The following BMP8B variants were observed in gnomAD, a reference collection of about 807,000 sequenced individuals.
BMP8B encodes bone morphogenetic protein 8 (osteogenic protein 2).
In BMP8B, 17 loss-of-function variants were observed where a neutral mutation model predicts 30.3. The ratio of observed to expected loss-of-function variants is 0.56; its 90% CI spans 0.38 to 0.84. The LOEUF is 0.84. Ranked by LOEUF, BMP8B falls within the 40% of genes least tolerant of loss-of-function variation. The pLI is 0.00. For missense variants in BMP8B, 253 were observed against 494.6 expected, an observed-to-expected ratio of 0.51 and a Z score of 4.63; for synonymous variants, 131 against 214.7, an observed-to-expected ratio of 0.61 and a Z score of 3.41.
intron 3 of BMP8B, chr1:39,770,471 G>A: frequency 1.2e-6 from 2 of 1,610,158 alleles, no homozygotes; most frequent in Non-Finnish European, 1.7e-6. Context: ...ATAAATGTTA[G>A]GAACGTGGAT....
At chr1:39,775,795 A>G (rs1057085780) in intron 1 of BMP8B, among the ~76,000 whole-genome samples, 3 of 152,200 alleles carry the variant, frequency 2.0e-5, no homozygotes, top group Admixed American at 1.3e-4. Flanking sequence ...AAACCAGGGC[A>G]GGAGTGACAA....
intron 1 of BMP8B, among the ~76,000 whole-genome samples, chr1:39,778,084 A>G (rs887407784): frequency 3.3e-5 from 5 of 152,168 alleles, no homozygotes; most frequent in Admixed American, 6.5e-5. Context: ...TCGCACGTCA[A>G]CTCATCGGCC....
chr1:39,783,466 C>T (rs535556945), intron 1 of BMP8B, among the ~76,000 whole-genome samples: 5 of 152,230 alleles, frequency 3.3e-5, no homozygotes, highest in African/African-American at 9.6e-5. Flanking sequence ...GAAAAGGGAC[C>T]CACCTTCAAT....
chr1:39,777,186 T>C (rs1327054063), intron 1 of BMP8B, among the ~76,000 whole-genome samples: 2 of 152,206 alleles, frequency 1.3e-5, no homozygotes, highest in Non-Finnish European at 2.9e-5. Context: ...TGAAAAGACA[T>C]ATGCAGAGAG....
At chr1:39,762,919 A>G (rs144812611) in intron 6 of BMP8B, among the ~76,000 whole-genome samples, 173 bp downstream of exon 6, 1 of 152,202 alleles carries the variant, frequency 6.6e-6, no homozygotes, top group African/African-American at 2.4e-5. Flanking sequence ...GTGGCTGTAT[A>G]AGGACCAGTT....
chr1:39,779,725 C>T (rs746046124), intron 1 of BMP8B, among the ~76,000 whole-genome samples: 4 of 152,228 alleles, frequency 2.6e-5, no homozygotes, highest in African/African-American at 9.6e-5. Flanking sequence ...TTTTTAAGCA[C>T]TGACCTGTGT....
At chr1:39,762,963 G>A (rs1649209480) in intron 6 of BMP8B, 129 bp downstream of exon 6, 10 of 1,184,462 alleles carry the variant, frequency 8.4e-6, no homozygotes, top group Middle Eastern at 2.0e-4. Context: ...CGACGTTACT[G>A]ACTGTGCAGA....
chr1:39,779,626 A>ACCC (rs1270264607), intron 1 of BMP8B, among the ~76,000 whole-genome samples: 32 of 152,220 alleles, frequency 2.1e-4, no homozygotes, highest in African/African-American at 7.7e-4. Context: ...TTGAAAACAT[A>ACCC]TTCAAGAGGG....
chr1:39,784,102 G>A (rs999069266), intron 1 of BMP8B, among the ~76,000 whole-genome samples: 11 of 152,146 alleles, frequency 7.2e-5, no homozygotes, highest in Non-Finnish European at 1.5e-4. Flanking sequence ...TGTGGCCTTA[G>A]GAAAACCACC....
intron 6 of BMP8B, chr1:39,762,538 T>A (rs1649133773): frequency 6.5e-7 from 1 of 1,550,124 alleles, no homozygotes; most frequent in Non-Finnish European, 8.7e-7. Flanking sequence ...TACCAAGGCA[T>A]CAAAAGCCAG....
chr1:39,780,072 G>A (rs1650522583), intron 1 of BMP8B, among the ~76,000 whole-genome samples: 1 of 152,164 alleles, frequency 6.6e-6, no homozygotes, highest in African/African-American at 2.4e-5. Context: ...CCCCCAGAAC[G>A]AGGCATCCGA....
intron 1 of BMP8B, among the ~76,000 whole-genome samples, chr1:39,782,162 A>AC (rs895691573): frequency 1.5e-4 from 22 of 151,452 alleles, no homozygotes; most frequent in Non-Finnish European, 2.1e-4. Flanking sequence ...AAAAAAAAAA[A>AC]AAACAAAAAA....
Position 39,788,487 on chromosome 1 carries a change from G to T in BMP8B, c.-2C>A, listed in dbSNP as rs1032516561. On this transcript the variant is annotated 5_prime_UTR_variant, in exon 1 of 7. Transcript: ENST00000372827. This position sits in a 1 kb window ranked among gnomAD's most constrained non-coding sequence, Gnocchi z 5.8. ...GAGCGGGCCGGGGAGCGCGGTCATG[G>T]CAGGCCGGGGGCGCTCAGCTGGGGC... 1 of 1,015,448 alleles carries T rather than the reference G, an allele frequency of 9.8e-7. No individual in the cohort carries two copies. The highest frequency in any genetic ancestry group is 1.7e-5 in the African/African-American group (1 of 57,576). The allele number at this position is 1,015,448 out of a possible 1,614,324, so 62.9% of individuals were successfully genotyped here. A position where few individuals can be genotyped will look rare whatever the true frequency, so the allele number is the denominator to read the frequency against.
At chr1:39,776,244 G>A (rs545982672) in intron 1 of BMP8B, among the ~76,000 whole-genome samples, 9 of 152,068 alleles carry the variant, frequency 5.9e-5, no homozygotes, top group African/African-American at 2.2e-4. Context: ...TGTAGTTGCG[G>A]AATAAAGCCC....
chr1:39,783,481 G>T (rs1013125573), intron 1 of BMP8B, among the ~76,000 whole-genome samples: 6 of 152,180 alleles, frequency 3.9e-5, no homozygotes, highest in African/African-American at 1.4e-4. Flanking sequence ...TTCAATTATT[G>T]CAAGGACAAA....
intron 3 of BMP8B, chr1:39,771,335 G>T (rs1649966716): frequency 8.3e-7 from 1 of 1,205,562 alleles, no homozygotes; most frequent in Middle Eastern, 3.0e-4. Flanking sequence ...AGCAGGGCGG[G>T]CGCCCGCGCC....
At chr1:39,766,425 TCACA>T (rs1649619852) in intron 3 of BMP8B, among the ~76,000 whole-genome samples, 1 of 123,996 alleles carries the variant, frequency 8.1e-6, no homozygotes, top group Non-Finnish European at 1.7e-5. Flanking sequence ...CAGACAGACA[TCACA>T]CACACAGATG....
At chr1:39,761,550 C>T (rs565874245) in intron 6 of BMP8B, among the ~76,000 whole-genome samples, 7 of 152,058 alleles carry the variant, frequency 4.6e-5, no homozygotes, top group Admixed American at 2.0e-4. Context: ...AATAAAACAC[C>T]TTCATTCAGA....
At chr1:39,763,405 C>CCCCAGCCGG (rs1222538711) in intron 5 of BMP8B, among the ~76,000 whole-genome samples, 9 of 144,676 alleles carry the variant, frequency 6.2e-5, no homozygotes, top group South Asian at 4.4e-4. Flanking sequence ...AGCCGGCCCT[C>CCCCAGCCGG]CCCTGCCCAC....
Sources: allele counts gnomAD v4.1 joint callset (sites outside exome capture counted in the v4.1 genomes callset), GRCh38; gene constraint gnomAD v4.1.1; non-coding constraint Gnocchi (gnomAD v3.1); transcripts MANE v1.5; gene names NCBI Gene and HGNC (gene_info 2026-07-23, HGNC 2026-07-21).